Variants in TMEM117 observed in about 807,000 individuals in gnomAD.
TMEM117 encodes the protein transmembrane protein 117.
Under a neutral mutation model 52.4 loss-of-function variants are expected in TMEM117, and 27 were observed. That is an observed-to-expected ratio of 0.51 (90% CI 0.38 to 0.71). TMEM117 has a LOEUF of 0.71. Ranked by LOEUF, TMEM117 falls within the 30% of genes least tolerant of loss-of-function variation. The pLI is 0.00. For synonymous variants in TMEM117, 215 were observed against 206.3 expected, an observed-to-expected ratio of 1.04 and a Z score of -0.36; for missense variants, 556 against 630.5, an observed-to-expected ratio of 0.88 and a Z score of 1.26.
intron 2 of TMEM117, among the ~76,000 whole-genome samples, chr12:43,848,836 C>T (rs1427084083): frequency 5.3e-5 from 8 of 152,252 alleles, no homozygotes; most frequent in South Asian, 2.1e-4. Flanking sequence ...GTTCCTCTGC[C>T]GCAGCTTTAG....
At chr12:44,250,849 C>T (rs964120204) in intron 5 of TMEM117, among the ~76,000 whole-genome samples, 4 of 151,822 alleles carry the variant, frequency 2.6e-5, no homozygotes, top group Non-Finnish European at 4.4e-5. Flanking sequence ...CAGTGTGGGG[C>T]GAGGGGAGGG....
At chr12:43,806,251 C>G in the TMEM117 span, 3 of 1,524,606 alleles carry the variant, frequency 2.0e-6, no homozygotes, top group Non-Finnish European at 2.6e-6. Context: ...GACATGGCGG[C>G]GGCCGCTAGC....
At chr12:43,957,931 C>T (rs1302186970) in intron 3 of TMEM117, among the ~76,000 whole-genome samples, 1 of 152,148 alleles carries the variant, frequency 6.6e-6, no homozygotes, top group Non-Finnish European at 1.5e-5. Context: ...AAAAGAGCCA[C>T]TTGATGGCAG....
intron 2 of TMEM117, among the ~76,000 whole-genome samples, chr12:43,896,783 A>G (rs1044068332): frequency 6.6e-6 from 1 of 152,160 alleles, no homozygotes; most frequent in Non-Finnish European, 1.5e-5. Context: ...AAGGCTGGTG[A>G]ACTCAATTGC....
chr12:44,108,073 T>A (rs1289385975), intron 3 of TMEM117, among the ~76,000 whole-genome samples: 3 of 152,142 alleles, frequency 2.0e-5, no homozygotes, highest in African/African-American at 7.2e-5. Flanking sequence ...TCTCAACAGT[T>A]TAGACTATAC....
intron 3 of TMEM117, among the ~76,000 whole-genome samples, chr12:44,086,183 G>A (rs1054553442): frequency 2.0e-5 from 3 of 151,252 alleles, no homozygotes; most frequent in African/African-American, 7.3e-5. Flanking sequence ...AAATGCTTTG[G>A]CTTGGAGTAT....
intron 4 of TMEM117, among the ~76,000 whole-genome samples, chr12:44,198,108 T>C (rs1266082405): frequency 6.6e-6 from 1 of 152,206 alleles, no homozygotes; most frequent in Non-Finnish European, 1.5e-5. Flanking sequence ...TCAGTGAGTA[T>C]GCATAATCCT....
chr12:44,330,253 TA>T (rs1231536994), intron 6 of TMEM117, among the ~76,000 whole-genome samples: 2 of 151,850 alleles, frequency 1.3e-5, no homozygotes, highest in Non-Finnish European at 1.5e-5. Flanking sequence ...GAACCTTTTT[TA>T]AAAAAGTTAA....
intron 3 of TMEM117, among the ~76,000 whole-genome samples, chr12:43,975,247 A>C (rs1375094280): frequency 6.6e-6 from 1 of 152,130 alleles, no homozygotes; most frequent in Non-Finnish European, 1.5e-5. Flanking sequence ...AGGAAGACAA[A>C]TTGTATTTGC....
At chr12:44,152,859 A>G (rs1948773261) in intron 4 of TMEM117, among the ~76,000 whole-genome samples, 1 of 145,568 alleles carries the variant, frequency 6.9e-6, no homozygotes, top group Admixed American at 7.1e-5. Flanking sequence ...CAATATATAC[A>G]TTATATTTAT....
At chr12:44,167,187 C>T (rs1341588780) in intron 4 of TMEM117, among the ~76,000 whole-genome samples, 1 of 152,086 alleles carries the variant, frequency 6.6e-6, no homozygotes, top group Non-Finnish European at 1.5e-5. Context: ...CCATATTGAA[C>T]GTCTCCACAG....
intron 2 of TMEM117, among the ~76,000 whole-genome samples, chr12:43,848,176 G>C (rs1250918285): frequency 6.6e-6 from 1 of 152,084 alleles, no homozygotes; most frequent in Non-Finnish European, 1.5e-5. Context: ...GGCAAAAGCA[G>C]AACCACTGAT....
intron 2 of TMEM117, among the ~76,000 whole-genome samples, chr12:43,874,784 G>C (rs1045747141): frequency 3.3e-5 from 5 of 152,124 alleles, no homozygotes; most frequent in Non-Finnish European, 7.3e-5. Flanking sequence ...TACTCCGTTT[G>C]TATCAGTTGA....
chr12:43,988,376 A>T (rs973574782), intron 3 of TMEM117, among the ~76,000 whole-genome samples: 13 of 152,256 alleles, frequency 8.5e-5, no homozygotes, highest in African/African-American at 3.1e-4. Context: ...GGTTTTGCTT[A>T]TGTCCATATA....
At chr12:44,070,377 G>C (rs1947284123) in intron 3 of TMEM117, among the ~76,000 whole-genome samples, 1 of 152,148 alleles carries the variant, frequency 6.6e-6, no homozygotes, top group Non-Finnish European at 1.5e-5. Flanking sequence ...TGTGTTACAG[G>C]CTATCTGGAT....
At chr12:43,942,066 C>T (rs893853437) in intron 2 of TMEM117, among the ~76,000 whole-genome samples, 2 of 152,194 alleles carry the variant, frequency 1.3e-5, no homozygotes, top group Admixed American at 6.5e-5. Context: ...TTATCAACTG[C>T]TGAATTAAAT....
chr12:44,316,142 T>C (rs888584482), intron 6 of TMEM117, among the ~76,000 whole-genome samples: 5 of 152,202 alleles, frequency 3.3e-5, no homozygotes, highest in African/African-American at 1.2e-4. Flanking sequence ...TAGTTCCTGT[T>C]ATATAATTGC....
At chr12:43,963,355 A>G (rs1246443430) in intron 3 of TMEM117, among the ~76,000 whole-genome samples, 1 of 152,206 alleles carries the variant, frequency 6.6e-6, no homozygotes, top group East Asian at 1.9e-4. Context: ...TAAATCACTG[A>G]TGATAAAAAG....
chr12:44,187,970 G>C (rs540711560), intron 4 of TMEM117, among the ~76,000 whole-genome samples: 170 of 152,218 alleles, frequency 1.1e-3, no homozygotes, highest in Admixed American at 2.2e-3. Flanking sequence ...AGGTGGCTCT[G>C]AGAATGGATT....
Sources: allele counts gnomAD v4.1 joint callset (sites outside exome capture counted in the v4.1 genomes callset), GRCh38; gene constraint gnomAD v4.1.1; transcripts MANE v1.5; gene names NCBI Gene and HGNC (gene_info 2026-07-23, HGNC 2026-07-21).